The following NTF3 variants were observed in gnomAD, a reference collection of about 807,000 sequenced individuals.
The protein encoded by NTF3 is neurotrophin-3.
In NTF3, 8 loss-of-function variants were observed where a neutral mutation model predicts 26.3. The ratio of observed to expected loss-of-function variants is 0.30; its 90% confidence interval spans 0.18 to 0.55. The LOEUF is 0.55. NTF3 is among the 20% of genes least tolerant of loss of function. The probability of loss-of-function intolerance (pLI) is 0.93; values close to 1 mark genes in which losing one functional copy is unlikely to be tolerated. For synonymous variants in NTF3, 154 were observed against 145.5 expected, an observed-to-expected ratio of 1.06 and a Z score of -0.42; for missense variants, 276 against 352.9, an observed-to-expected ratio of 0.78 and a Z score of 1.75.
intron 1 of NTF3, among the ~76,000 whole-genome samples, chr12:5,452,096 C>CTTTT (rs56032205): frequency 1.3e-4 from 17 of 126,994 alleles, no homozygotes; most frequent in Non-Finnish European, 2.0e-4. Context: ...TTTTTCTTTT[C>CTTTT]TTTTTTTTTT....
chr12:5,479,122 T>A (rs1198473402), intron 1 of NTF3, among the ~76,000 whole-genome samples: 2 of 152,240 alleles, frequency 1.3e-5, no homozygotes, highest in East Asian at 3.8e-4. Context: ...AGGATTGTTT[T>A]AGATACAATT....
At chr12:5,453,566 CTG>C (rs1940401274) in intron 1 of NTF3, among the ~76,000 whole-genome samples, 1 of 152,238 alleles carries the variant, frequency 6.6e-6, no homozygotes, top group African/African-American at 2.4e-5. Context: ...CATTGTAAAA[CTG>C]TTCTCTCTTG....
At chr12:5,446,694 G>A (rs557723958) in intron 1 of NTF3, among the ~76,000 whole-genome samples, 1 of 152,328 alleles carries the variant, frequency 6.6e-6, no homozygotes, top group East Asian at 1.9e-4. Context: ...TGGACCATAT[G>A]GAATCATTGC....
intron 1 of NTF3, among the ~76,000 whole-genome samples, chr12:5,475,384 A>G (rs1315134781): frequency 3.3e-5 from 5 of 152,126 alleles, no homozygotes; most frequent in Non-Finnish European, 7.4e-5. Context: ...GGTGGGGATG[A>G]TGGACATAGG....
chr12:5,483,731 G>C (rs373947077), intron 1 of NTF3, among the ~76,000 whole-genome samples: 6 of 152,296 alleles, frequency 3.9e-5, no homozygotes, highest in African/African-American at 1.4e-4. Flanking sequence ...TTGAGGAATC[G>C]CATTTGCGTT....
At position 5,432,973 on chromosome 12, in the gene NTF3, G is replaced by T. The variant is rs570498514; in HGVS notation, c.18+631G>T. Among the ~76,000 whole-genome samples, 44 of 152,310 alleles carry T rather than the reference G, an allele frequency of 2.9e-4. No homozygotes were observed. In the South Asian group the frequency reaches 7.7e-3, roughly 27 times the overall value. On this transcript the variant is annotated intron_variant, in intron 1 of 1. Transcript: ENST00000423158. Reference sequence around the variant, plus strand: ...CACCACTCTGGCCCGGGCGTGGGCTGGGGGGAGGGGACGCGCAGCTCAGGA... The same window carrying T: ...CACCACTCTGGCCCGGGCGTGGGCTTGGGGGAGGGGACGCGCAGCTCAGGA...
intron 1 of NTF3, among the ~76,000 whole-genome samples, chr12:5,458,350 C>A (rs1940479143): frequency 6.6e-6 from 1 of 152,162 alleles, no homozygotes; most frequent in African/African-American, 2.4e-5. Flanking sequence ...GGCTCCCTAT[C>A]ACACACTCCC....
At position 5,495,068 on chromosome 12, in the gene NTF3, T is replaced by C; in HGVS notation, c.*80T>C. 1.4e-6 allele frequency: 2 copies of C among 1,389,270 alleles called. No individual in the cohort carries two copies. Among genetic ancestry groups the C allele is most frequent in the Non-Finnish European group, 2.0e-6 (2 of 1,012,190 alleles). The allele number at this position is 1,389,270 out of a possible 1,614,324, so 86.1% of individuals were successfully genotyped here. A position where few individuals can be genotyped will look rare whatever the true frequency, so the allele number is the denominator to read the frequency against. On this transcript the variant is annotated 3_prime_UTR_variant, in exon 2 of 2. Coordinates refer to ENST00000423158, the MANE Select transcript of NTF3 (RefSeq NM_001102654.2). ...TAGCATATAAATGTTTATATTGTTT[T>C]TATATATTATAAGTTGACCTTTATT...
At chr12:5,488,905 C>A (rs1209139477) in intron 1 of NTF3, among the ~76,000 whole-genome samples, 1 of 152,204 alleles carries the variant, frequency 6.6e-6, no homozygotes, top group African/African-American at 2.4e-5. Context: ...ATAATGAAAT[C>A]TCTTGAATTT....
At chr12:5,432,091 C>T (rs1210495984), upstream of NTF3, 1 of 589,142 alleles carries the variant, frequency 1.7e-6, no homozygotes, top group Non-Finnish European at 3.1e-6. Context: ...TATAACCGCG[C>T]AGATTCTGTT....
chr12:5,436,146 G>A (rs924579958), intron 1 of NTF3, among the ~76,000 whole-genome samples: 1 of 152,212 alleles, frequency 6.6e-6, no homozygotes, highest in African/African-American at 2.4e-5. Context: ...CTGTGCTTTT[G>A]TGATGCACAC....
chr12:5,449,263 G>A (rs111493270), intron 1 of NTF3, among the ~76,000 whole-genome samples: 7 of 152,306 alleles, frequency 4.6e-5, no homozygotes, highest in South Asian at 4.1e-4. Context: ...TACACAGAGC[G>A]TTAATAGGAG....
chr12:5,483,676 G>T (rs1199334021), intron 1 of NTF3, among the ~76,000 whole-genome samples: 2 of 152,236 alleles, frequency 1.3e-5, no homozygotes, highest in African/African-American at 2.4e-5. Flanking sequence ...TTGCTGGGTT[G>T]AGTGGTATTT....
intron 1 of NTF3, among the ~76,000 whole-genome samples, chr12:5,485,424 C>G (rs1329422179): frequency 6.6e-6 from 1 of 152,194 alleles, no homozygotes; most frequent in Non-Finnish European, 1.5e-5. Flanking sequence ...TTCCCTGGCT[C>G]TGTCTCTCAA....
intron 1 of NTF3, among the ~76,000 whole-genome samples, chr12:5,459,675 G>T (rs979563886): frequency 6.6e-6 from 1 of 152,218 alleles, no homozygotes; most frequent in Non-Finnish European, 1.5e-5. Context: ...CTAGACGCAG[G>T]TTATCAAGGT....
chr12:5,467,643 A>T (rs1940610110), intron 1 of NTF3, among the ~76,000 whole-genome samples: 1 of 152,228 alleles, frequency 6.6e-6, no homozygotes, highest in Non-Finnish European at 1.5e-5. Context: ...CAGCTTGAGC[A>T]TTAACTGGCT....
At chr12:5,487,710 C>A (rs1940883571) in intron 1 of NTF3, among the ~76,000 whole-genome samples, 1 of 152,140 alleles carries the variant, frequency 6.6e-6, no homozygotes, top group Non-Finnish European at 1.5e-5. Context: ...AGGAGAGGAA[C>A]AACAGTAGAA....
intron 1 of NTF3, among the ~76,000 whole-genome samples, chr12:5,446,279 G>T (rs1940304121): frequency 6.6e-6 from 1 of 152,166 alleles, no homozygotes. Flanking sequence ...TTTGCATAAT[G>T]CATTCATAAT....
intron 1 of NTF3, among the ~76,000 whole-genome samples, chr12:5,490,123 A>G (rs998833729): frequency 3.3e-5 from 5 of 152,176 alleles, no homozygotes; most frequent in African/African-American, 7.2e-5. Context: ...ATTATAGCCA[A>G]GAAGAGCCTG....
Sources: allele counts gnomAD v4.1 joint callset (sites outside exome capture counted in the v4.1 genomes callset), GRCh38; gene constraint gnomAD v4.1.1; transcripts MANE v1.5; gene names NCBI Gene and HGNC (gene_info 2026-07-23, HGNC 2026-07-21).